TMCO5A: variants seen among roughly 807,000 people sequenced by gnomAD.
TMCO5A encodes transmembrane and coiled-coil domain-containing protein 5A.
Under a neutral mutation model 42.3 loss-of-function variants are expected in TMCO5A, and 34 were observed. The observed-to-expected ratio is 0.80, with a 90% CI of 0.61 to 1.07. The LOEUF (loss-of-function observed/expected upper bound fraction) is 1.07, where lower values mean the gene tolerates loss of function less well. TMCO5A is among the 50% of genes least tolerant of loss of function. TMCO5A has a pLI of 0.00. For missense variants in TMCO5A, 357 were observed against 327.9 expected (o/e 1.09, Z -0.69); for synonymous variants, 131 against 115.6 (o/e 1.13, Z -0.86).
the TMCO5A span, among the ~76,000 whole-genome samples, chr15:38,019,015 T>C: frequency 2.8e-4 from 42 of 152,234 alleles, no homozygotes; most frequent in Non-Finnish European, 4.1e-4. Flanking sequence ...AAAGAATATT[T>C]TCAGATATGC....
At chr15:37,985,567 T>C in the TMCO5A span, among the ~76,000 whole-genome samples, 1 of 152,216 alleles carries the variant, frequency 6.6e-6, no homozygotes, top group African/African-American at 2.4e-5. Context: ...AACAAAATTT[T>C]CTGTTTATTC....
downstream of TMCO5A, among the ~76,000 whole-genome samples, chr15:37,972,547 AT>A (rs1205461771): frequency 2.6e-5 from 4 of 152,152 alleles, no homozygotes; most frequent in African/African-American, 9.6e-5. Flanking sequence ...GATGTTGAGC[AT>A]TTTTTCATAT....
chr15:38,003,137 T>C, the TMCO5A span, among the ~76,000 whole-genome samples: 1 of 152,262 alleles, frequency 6.6e-6, no homozygotes, highest in Admixed American at 6.5e-5. Flanking sequence ...GGTACTTCCT[T>C]GATGTCTTGA....
At chr15:38,039,663 C>T in the TMCO5A span, among the ~76,000 whole-genome samples, 1 of 152,258 alleles carries the variant, frequency 6.6e-6, no homozygotes, top group Admixed American at 6.5e-5. Flanking sequence ...GGCAGTTTAT[C>T]TTTTGTGATA....
chr15:37,947,353 G>C lies in TMCO5A; in HGVS notation c.628-303G>C, dbSNP rs374513949. On this transcript the variant is annotated intron_variant, in intron 10 of 11. Coordinates refer to ENST00000319669, the MANE Select transcript of TMCO5A (RefSeq NM_152453.4). Reference sequence around the variant, plus strand: ...TATAGTTGAGAGAGCCAAGAATGTGGAGTCAGAGTATCCAGGTTCCAGGCC... The same window carrying C: ...TATAGTTGAGAGAGCCAAGAATGTGCAGTCAGAGTATCCAGGTTCCAGGCC... Among the ~76,000 whole-genome samples the C allele has an allele frequency of 8.5e-5, 13 of 152,144 alleles. No individual in the cohort carries two copies. In the East Asian group the frequency reaches 2.1e-3, roughly 25 times the overall value.
chr15:38,037,748 C>T, the TMCO5A span, among the ~76,000 whole-genome samples: 3 of 152,184 alleles, frequency 2.0e-5, no homozygotes, highest in African/African-American at 4.8e-5. Flanking sequence ...GGCACGGTGG[C>T]TCACGCCTGT....
the TMCO5A span, among the ~76,000 whole-genome samples, chr15:37,992,435 T>C: frequency 6.6e-6 from 1 of 152,036 alleles, no homozygotes; most frequent in African/African-American, 2.4e-5. Context: ...GAAAGCAGAG[T>C]GGTGATTCCT....
chr15:37,968,951 G>C (rs1430718421), downstream of TMCO5A, among the ~76,000 whole-genome samples: 1 of 152,106 alleles, frequency 6.6e-6, no homozygotes, highest in Admixed American at 6.5e-5. Flanking sequence ...GAGGAAAAAA[G>C]GGAAAGGAAG....
the TMCO5A span, among the ~76,000 whole-genome samples, chr15:38,021,263 A>G: frequency 6.6e-6 from 1 of 152,244 alleles, no homozygotes; most frequent in East Asian, 1.9e-4. Flanking sequence ...AATCCAAAGC[A>G]TTAATTAAGG....
chr15:37,965,510 C>T (rs989093345), intron 11 of TMCO5A, among the ~76,000 whole-genome samples: 14 of 152,108 alleles, frequency 9.2e-5, no homozygotes, highest in Admixed American at 5.2e-4. Context: ...AACTACTCTT[C>T]GGACAAGGGA....
chr15:37,975,042 G>A, the TMCO5A span, among the ~76,000 whole-genome samples: 2 of 152,126 alleles, frequency 1.3e-5, no homozygotes, highest in Non-Finnish European at 2.9e-5. Flanking sequence ...CCATGTAACA[G>A]TGTGCTTTTG....
chr15:38,010,730 A>G, the TMCO5A span, among the ~76,000 whole-genome samples: 6 of 151,744 alleles, frequency 4.0e-5, no homozygotes, highest in African/African-American at 1.5e-4. Context: ...GTGTAACGAT[A>G]CTCTTTATTT....
chr15:37,952,737 T>C (rs1235301150), downstream of TMCO5A, among the ~76,000 whole-genome samples: 2 of 152,166 alleles, frequency 1.3e-5, no homozygotes, highest in Non-Finnish European at 2.9e-5. Flanking sequence ...CACAGTGAGG[T>C]AGAGCACAGA....
At chr15:38,014,127 T>G in the TMCO5A span, among the ~76,000 whole-genome samples, 2 of 152,202 alleles carry the variant, frequency 1.3e-5, no homozygotes, top group Admixed American at 6.5e-5. Flanking sequence ...CACCTCAAGA[T>G]AGTTAATTTA....
At chr15:37,970,271 T>A (rs1890649125), downstream of TMCO5A, among the ~76,000 whole-genome samples, 1 of 152,180 alleles carries the variant, frequency 6.6e-6, no homozygotes, top group Non-Finnish European at 1.5e-5. Flanking sequence ...GAAAGTCATG[T>A]CTCACATGGT....
the TMCO5A span, among the ~76,000 whole-genome samples, chr15:37,986,286 A>G: frequency 6.6e-6 from 1 of 152,062 alleles, no homozygotes; most frequent in South Asian, 2.1e-4. Context: ...AGCCATAAAG[A>G]AAAACCCCAA....
At chr15:37,968,943 G>A (rs1357402469), downstream of TMCO5A, among the ~76,000 whole-genome samples, 1 of 151,894 alleles carries the variant, frequency 6.6e-6, no homozygotes. Context: ...CATGATTTGA[G>A]GAAAAAAGGG....
At position 37,951,183 on chromosome 15, in the gene TMCO5A, C is replaced by T. The variant is rs1400467344; in HGVS notation, c.816C>T (p.Cys272=). ...GGAGCACCTTGTGGAAGCTCAGATG[C>T]TTCTTCTTTCCATCTCTCACACTTG... ...LGRSTLWKLR[C]FFFPSLTLET... Residue 272 remains cysteine (C), a synonymous_variant, in exon 12 of 12, where the codon TGC becomes TGT. Transcript: ENST00000319669. The T allele has an allele frequency of 1.2e-6, 2 of 1,613,834 alleles. No individual in the cohort carries two copies. Among genetic ancestry groups the T allele is most frequent in the East Asian group, 2.2e-5 (1 of 44,854 alleles).
the TMCO5A span, among the ~76,000 whole-genome samples, chr15:37,992,461 A>G: frequency 2.0e-5 from 3 of 152,334 alleles, no homozygotes; most frequent in Admixed American, 6.5e-5. Context: ...AACTAAAAAC[A>G]GAAATACCAT....
Sources: gnomAD v4.1 joint callset for allele counts (sites outside exome capture counted in the v4.1 genomes callset) on GRCh38, gnomAD v4.1.1 for gene constraint, MANE v1.5 for transcripts, NCBI Gene and HGNC (gene_info 2026-07-23, HGNC 2026-07-21) for gene names.